The following CDH7 variants were observed in gnomAD, a reference collection of about 807,000 sequenced individuals.
CDH7 encodes cadherin-7.
A neutral mutation model predicts 71.8 loss-of-function variants in CDH7; 25 were observed. The ratio of observed to expected loss-of-function variants is 0.35; its 90% CI spans 0.25 to 0.49. The LOEUF is 0.49. CDH7 is among the 20% of genes least tolerant of loss of function. The pLI, the probability that CDH7 is intolerant of heterozygous loss-of-function variation, is 0.99. For missense variants in CDH7, 862 were observed against 974.6 expected (o/e 0.88, Z 1.54); for synonymous variants, 381 against 363.8 (o/e 1.05, Z -0.54).
At chr18:65,857,389 C>G (rs557858876) in intron 7 of CDH7, among the ~76,000 whole-genome samples, 16 of 150,180 alleles carry the variant, frequency 1.1e-4, no homozygotes, top group Non-Finnish European at 1.5e-4. Context: ...TGGTGCATGC[C>G]TCTAGTCCTA....
At chr18:65,819,637 T>C (rs1043574599) in intron 4 of CDH7, among the ~76,000 whole-genome samples, 1 of 152,120 alleles carries the variant, frequency 6.6e-6, no homozygotes, top group African/African-American at 2.4e-5. Flanking sequence ...TGAAGGGCTT[T>C]GGGAGTTGGA....
chr18:65,826,759 TA>T (rs891283087), intron 6 of CDH7, among the ~76,000 whole-genome samples: 10 of 151,444 alleles, frequency 6.6e-5, no homozygotes, highest in Admixed American at 5.3e-4. Flanking sequence ...TAAATATCAT[TA>T]AAAAAATCTC....
At chr18:65,757,361 G>A (rs556807450) in intron 1 of CDH7, among the ~76,000 whole-genome samples, 17 of 152,194 alleles carry the variant, frequency 1.1e-4, no homozygotes, top group Admixed American at 2.0e-4. Context: ...AGTAAATACT[G>A]CTTAAGGGAT....
At chr18:65,866,660 T>C (rs1014781687) in intron 11 of CDH7, among the ~76,000 whole-genome samples, 5 of 152,188 alleles carry the variant, frequency 3.3e-5, no homozygotes, top group African/African-American at 1.2e-4. Flanking sequence ...CTGATTTTTA[T>C]TTAAACTGCA....
In CDH7 at chr18:65,765,487, G is replaced by A. The variant is rs1327234407; in HGVS notation, c.210+2435G>A. On this transcript the variant is annotated intron_variant, in intron 2 of 11. Coordinates refer to ENST00000397968, the MANE Select transcript of CDH7 (RefSeq NM_004361.5). Reference sequence around the variant, plus strand: ...TTCTTTTTTTTTTTTAGTTTTGGGAGGTGATGTCTGTGCCCAGAAATGTTT... The same window carrying A: ...TTCTTTTTTTTTTTTAGTTTTGGGAAGTGATGTCTGTGCCCAGAAATGTTT... 4.0e-5 allele frequency among the ~76,000 whole-genome samples: 6 copies of A among 150,646 alleles called. No homozygotes were observed. In the East Asian group the frequency reaches 1.2e-3, roughly 29 times the overall value.
rs139126693 is a variant in CDH7 at position 65,872,786 on chromosome 18, T to C, written c.1865-7615T>C. 3.8e-3 allele frequency among the ~76,000 whole-genome samples: 572 copies of C among 152,106 alleles called. 3 individuals carry two copies. The highest frequency in any genetic ancestry group is 0.013 in the African/African-American group (543 of 41,498). On this transcript the variant is annotated intron_variant, in intron 11 of 11. Coordinates refer to ENST00000397968, the MANE Select transcript of CDH7 (RefSeq NM_004361.5). ...GGCATGCACCCAAAGTCCCAGCTACTCGGGAAGCTGAGGCAGGAGGATTGC... is the reference window on the plus strand; with the variant it reads ...GGCATGCACCCAAAGTCCCAGCTACCCGGGAAGCTGAGGCAGGAGGATTGC...
At chr18:65,752,324 A>C (rs1347384662) in intron 1 of CDH7, among the ~76,000 whole-genome samples, 2 of 152,266 alleles carry the variant, frequency 1.3e-5, no homozygotes, top group Non-Finnish European at 2.9e-5. Context: ...TCACACAAAA[A>C]ATGTGTATTT....
chr18:65,828,759 T>C (rs558774317), intron 6 of CDH7, among the ~76,000 whole-genome samples: 74 of 152,316 alleles, frequency 4.9e-4, no homozygotes, highest in African/African-American at 1.8e-3. Context: ...ATAATTTTCT[T>C]ATTCTCAGCA....
At chr18:65,834,152 GTTAAAAGGAGAAT>G (rs1182938961) in intron 6 of CDH7, among the ~76,000 whole-genome samples, 1 of 152,130 alleles carries the variant, frequency 6.6e-6, no homozygotes, top group Non-Finnish European at 1.5e-5. Context: ...TATAAGGAAG[GTTAAAAGGAGAAT>G]TTAAAGACAT....
chr18:65,832,327 G>A (rs868144598), intron 6 of CDH7, among the ~76,000 whole-genome samples: 3 of 151,780 alleles, frequency 2.0e-5, no homozygotes, highest in Admixed American at 2.0e-4. Flanking sequence ...ATCAGGAAGA[G>A]AAAAGCAGAA....
At chr18:65,835,543 C>G (rs1162595482) in intron 6 of CDH7, among the ~76,000 whole-genome samples, 1 of 152,152 alleles carries the variant, frequency 6.6e-6, no homozygotes, top group African/African-American at 2.4e-5. Flanking sequence ...TCCAGGAAAA[C>G]ATATGCTAAG....
intron 6 of CDH7, 82 bp downstream of exon 6, chr18:65,824,913 G>A (rs1012846506): frequency 5.5e-5 from 49 of 889,080 alleles, no homozygotes; most frequent in Non-Finnish European, 7.3e-5. Context: ...TAGACAAACC[G>A]AATGGCCATA....
At chr18:65,834,181 G>A (rs1172537569) in intron 6 of CDH7, among the ~76,000 whole-genome samples, 2 of 152,200 alleles carry the variant, frequency 1.3e-5, no homozygotes, top group Admixed American at 1.3e-4. Context: ...GACATAGCCA[G>A]TATTTCTAGT....
chr18:65,784,146 TTTGCCAAG>T (rs1224620306), intron 2 of CDH7, among the ~76,000 whole-genome samples: 21 of 149,018 alleles, frequency 1.4e-4, no homozygotes, highest in African/African-American at 5.0e-4. Flanking sequence ...GAGATTGGGT[TTTGCCAAG>T]TTGCCCAGTT....
chr18:65,849,247 C>T (rs568349112), intron 7 of CDH7, among the ~76,000 whole-genome samples: 5 of 152,036 alleles, frequency 3.3e-5, no homozygotes, highest in Admixed American at 1.3e-4. Context: ...GAAAACATAG[C>T]GTGTTTTCAT....
chr18:65,832,772 A>G (rs1322767991), intron 6 of CDH7, among the ~76,000 whole-genome samples: 1 of 152,138 alleles, frequency 6.6e-6, no homozygotes, highest in Non-Finnish European at 1.5e-5. Flanking sequence ...ATTTGCTATC[A>G]TAACTTAAAA....
At chr18:65,763,105 G>T in intron 2 of CDH7, 53 bp downstream of exon 2, 2 of 1,255,434 alleles carry the variant, frequency 1.6e-6, no homozygotes, top group South Asian at 3.3e-5. Context: ...CATGTCTATG[G>T]TTTGATGAAA....
chr18:65,773,609 C>CA (rs1598993278), intron 2 of CDH7, among the ~76,000 whole-genome samples: 1 of 151,996 alleles, frequency 6.6e-6, no homozygotes, highest in Non-Finnish European at 1.5e-5. Flanking sequence ...TCATTTTTTT[C>CA]ATTTATAAAA....
At chr18:65,830,390 A>C (rs1006157999) in intron 6 of CDH7, among the ~76,000 whole-genome samples, 1 of 152,240 alleles carries the variant, frequency 6.6e-6, no homozygotes, top group Non-Finnish European at 1.5e-5. Context: ...ACACTTATTC[A>C]TGGAAGTGCC....
Sources: allele counts gnomAD v4.1 joint callset (sites outside exome capture counted in the v4.1 genomes callset), GRCh38; gene constraint gnomAD v4.1.1; transcripts MANE v1.5; gene names NCBI Gene and HGNC (gene_info 2026-07-23, HGNC 2026-07-21).